The following FAM185A variants were observed in gnomAD, a reference collection of about 807,000 sequenced individuals.
FAM185A encodes the protein family with sequence similarity 185 member A.
A neutral mutation model predicts 45.7 loss-of-function variants in FAM185A; 21 were observed. The observed-to-expected ratio is 0.46, with a 90% CI of 0.33 to 0.66. The LOEUF (loss-of-function observed/expected upper bound fraction) is 0.66, where lower values mean the gene tolerates loss of function less well. FAM185A is among the 30% of genes least tolerant of loss of function. FAM185A has a pLI of 0.03. For missense variants in FAM185A, 305 were observed against 485.4 expected, an observed-to-expected ratio of 0.63 and a Z score of 3.49; for synonymous variants, 117 against 194.0, an observed-to-expected ratio of 0.60 and a Z score of 3.30.
At position 102,761,404 on chromosome 7, in the gene FAM185A, T is replaced by C; in HGVS notation, c.786T>C (p.Ser262=). ...CTGCTGGGGATATTACATTAGGAAG[T>C]GTTCATGGTAAGCTGACAAAGGCAT... The part of the protein sequence containing the change: ...SSAAGDITLG[S]VHGNITLQSK... Residue 262 remains serine (S), a synonymous_variant, in exon 4 of 8, where the codon AGT becomes AGC. Coordinates refer to ENST00000413034, the MANE Select transcript of FAM185A (RefSeq NM_001145268.2). 1.3e-6 allele frequency: 2 copies of C among 1,516,736 alleles called. No homozygotes were observed. The highest frequency in any genetic ancestry group is 1.8e-6 in the Non-Finnish European group (2 of 1,134,092). The allele number at this position is 1,516,736 out of a possible 1,614,324, so 94.0% of individuals were successfully genotyped here. A position where few individuals can be genotyped will look rare whatever the true frequency, so the allele number is the denominator to read the frequency against.
intron 7 of FAM185A, among the ~76,000 whole-genome samples, chr7:102,806,181 CT>C (rs1245341176): frequency 6.6e-6 from 1 of 151,912 alleles, no homozygotes; most frequent in Admixed American, 6.6e-5. Flanking sequence ...TGCTCATTTG[CT>C]TTTTTTATTT....
chr7:102,791,625 G>A (rs1796148200), intron 7 of FAM185A, among the ~76,000 whole-genome samples: 1 of 152,210 alleles, frequency 6.6e-6, no homozygotes, highest in African/African-American at 2.4e-5. Context: ...TACTGATCAA[G>A]CATCGTTTTG....
chr7:102,848,555 C>A, the FAM185A span, among the ~76,000 whole-genome samples: 1 of 1,826 alleles, frequency 5.5e-4, no homozygotes, highest in Non-Finnish European at 9.0e-4. Context: ...GACTCCGTCT[C>A]AAAAAAAAAA....
intron 6 of FAM185A, among the ~76,000 whole-genome samples, chr7:102,783,893 G>C (rs949712811): frequency 6.6e-6 from 1 of 152,108 alleles, no homozygotes; most frequent in Non-Finnish European, 1.5e-5. Context: ...ATGAATGCAG[G>C]AGCTGGTTTT....
chr7:102,800,192 A>C (rs1280709789), intron 7 of FAM185A, among the ~76,000 whole-genome samples: 1 of 152,134 alleles, frequency 6.6e-6, no homozygotes, highest in Admixed American at 6.5e-5. Context: ...ACATCCATAG[A>C]AAAAGGGGGA....
chr7:102,749,034 C>G lies in FAM185A; in HGVS notation c.-174C>G. 9.9e-7 allele frequency: 1 copy of G among 1,013,490 alleles called. No homozygotes were observed. Among genetic ancestry groups the G allele is most frequent in the Non-Finnish European group, 1.5e-6 (1 of 665,358 alleles). The allele number at this position is 1,013,490 out of a possible 1,614,324, so 62.8% of individuals were successfully genotyped here. On this transcript the variant is annotated 5_prime_UTR_variant, in exon 1 of 8. Transcript: ENST00000413034. ...AATCCCAACTTGCCCCTGGGGATTG[C>G]GCGGCTGATGTTTAGAACGCCTAGT...
chr7:102,798,923 T>C (rs1796606618), intron 7 of FAM185A, among the ~76,000 whole-genome samples: 1 of 152,080 alleles, frequency 6.6e-6, no homozygotes, highest in Non-Finnish European at 1.5e-5. Context: ...AATTTTTGTA[T>C]TTTTGGCAGA....
chr7:102,850,203 T>C, the FAM185A span, among the ~76,000 whole-genome samples: 123 of 152,158 alleles, frequency 8.1e-4, no homozygotes, highest in Non-Finnish European at 1.3e-3. Context: ...CACCTAAAAA[T>C]AGTACAATTT....
At chr7:102,781,773 G>A (rs1171972982) in intron 6 of FAM185A, among the ~76,000 whole-genome samples, 8 of 152,272 alleles carry the variant, frequency 5.3e-5, no homozygotes, top group African/African-American at 9.6e-5. Flanking sequence ...AGAGGAACGC[G>A]GCTCCTCACC....
At chr7:102,821,738 TTAAC>T in the FAM185A span, among the ~76,000 whole-genome samples, 2 of 152,132 alleles carry the variant, frequency 1.3e-5, no homozygotes, top group Non-Finnish European at 2.9e-5. Flanking sequence ...CTAGGGGAGA[TTAAC>T]TGAATGGACT....
chr7:102,767,052 T>G (rs2129435331), intron 4 of FAM185A, among the ~76,000 whole-genome samples: 1 of 151,960 alleles, frequency 6.6e-6, no homozygotes, highest in South Asian at 2.1e-4. Flanking sequence ...CGCCTCGGCC[T>G]CCCAAAGTGC....
intron 7 of FAM185A, among the ~76,000 whole-genome samples, chr7:102,793,383 T>C (rs1422248168): frequency 1.3e-5 from 2 of 152,126 alleles, no homozygotes; most frequent in East Asian, 3.9e-4. Context: ...GGCTAATTTT[T>C]GTATTTTTAG....
the FAM185A span, among the ~76,000 whole-genome samples, chr7:102,838,188 CTG>C: frequency 2.0e-5 from 3 of 152,130 alleles, no homozygotes; most frequent in African/African-American, 4.8e-5. Flanking sequence ...TTTTGTGTCT[CTG>C]GATAAGTTAC....
At chr7:102,806,002 T>C (rs1389346876) in intron 7 of FAM185A, among the ~76,000 whole-genome samples, 1 of 152,190 alleles carries the variant, frequency 6.6e-6, no homozygotes, top group Non-Finnish European at 1.5e-5. Context: ...CTGAAGTCCA[T>C]GTGCCAGCAG....
At chr7:102,850,542 C>T in the FAM185A span, among the ~76,000 whole-genome samples, 11 of 152,082 alleles carry the variant, frequency 7.2e-5, no homozygotes, top group Non-Finnish European at 1.0e-4. Flanking sequence ...TTTTGAAAGC[C>T]TGACTATATC....
At chr7:102,767,788 C>T (rs935883834) in intron 4 of FAM185A, among the ~76,000 whole-genome samples, 9 of 150,898 alleles carry the variant, frequency 6.0e-5, no homozygotes, top group African/African-American at 2.2e-4. Context: ...TGCTTTTTTC[C>T]CTTCTTCCCC....
At chr7:102,781,071 A>G (rs577342600) in intron 6 of FAM185A, among the ~76,000 whole-genome samples, 8 of 152,284 alleles carry the variant, frequency 5.3e-5, no homozygotes, top group Admixed American at 2.6e-4. Context: ...TTGCTAGCAC[A>G]GCAGTCTGAG....
the FAM185A span, among the ~76,000 whole-genome samples, chr7:102,827,350 A>C: frequency 6.6e-6 from 1 of 152,182 alleles, no homozygotes; most frequent in African/African-American, 2.4e-5. Flanking sequence ...CCACTGTCAG[A>C]AGAACCACAC....
chr7:102,767,262 T>A (rs1176178445), intron 4 of FAM185A, among the ~76,000 whole-genome samples: 1 of 150,370 alleles, frequency 6.7e-6, no homozygotes, highest in African/African-American at 2.4e-5. Flanking sequence ...AGACTTGGCT[T>A]CCTCAGTTTG....
Sources: allele counts gnomAD v4.1 joint callset (sites outside exome capture counted in the v4.1 genomes callset), GRCh38; gene constraint gnomAD v4.1.1; transcripts MANE v1.5; gene names NCBI Gene and HGNC (gene_info 2026-07-23, HGNC 2026-07-21).